OTOF: variants seen among roughly 807,000 people sequenced by gnomAD.
The protein encoded by OTOF is fer-1-like family member 2.
OTOF carries 218 observed loss-of-function variants against 236.8 expected under a neutral mutation model. The observed-to-expected ratio is 0.92, with a 90% confidence interval of 0.82 to 1.03. The LOEUF is 1.03. Among genes scored for constraint, OTOF ranks in the 50% least tolerant of loss-of-function variants. OTOF has a pLI of 0.00. For synonymous variants in OTOF, 1,041 were observed against 1,072.5 expected (o/e 0.97, Z 0.57); for missense variants, 2,590 against 2,694.4 (o/e 0.96, Z 0.86).
Position 26,460,122 on chromosome 2 carries a change from A to C in OTOF, c.5897T>G (p.Leu1966Arg). Residue 1966 changes from leucine to arginine, a missense_variant, in exon 46 of 47, where the codon CTC becomes CGC. Transcript: ENST00000272371. This position sits in a 1 kb window ranked among gnomAD's most constrained non-coding sequence, Gnocchi z 5.3. ...CAGCAGGAGCAGCAACAGTTTGAGG[A>C]GCAGCCAGCGATACGTGTGCCACAA... Reference protein sequence around the residue: ...YFLWHTYRWLLLKLLLLLLLL... With the variant: ...YFLWHTYRWLRLKLLLLLLLL... 5.0e-6 allele frequency: 8 copies of C among 1,594,686 alleles called. No individual in the cohort carries two copies. The highest frequency in any genetic ancestry group is 6.8e-6 in the Non-Finnish European group (8 of 1,170,826).
At chr2:26,526,458 G>A (rs1414031117) in intron 3 of OTOF, among the ~76,000 whole-genome samples, 1 of 152,086 alleles carries the variant, frequency 6.6e-6, no homozygotes, top group Non-Finnish European at 1.5e-5. Context: ...CAGACAAATG[G>A]ATAGGCAGAT....
Position 26,461,627 on chromosome 2 carries a change from CCCG to C in OTOF, c.5533+66_5533+68del. ...CCCCCAAGGCAGGGCTCTCCCTGTC[CCCG>C]CCAACCCGGCCCCTGCCTCTTCTCA... On this transcript the variant is annotated intron_variant, in intron 43 of 46. Coordinates refer to ENST00000272371, the MANE Select transcript of OTOF (RefSeq NM_194248.3). The surrounding 1 kb of genome is among the most constrained non-coding windows in gnomAD (Gnocchi z 6.2). The C allele has an allele frequency of 1.2e-6, 2 of 1,601,002 alleles. No homozygotes were observed. Among genetic ancestry groups the C allele is most frequent in the Non-Finnish European group, 8.5e-7 (1 of 1,175,756 alleles).
At position 26,516,404 on chromosome 2, in the gene OTOF, G is replaced by A; in HGVS notation, c.509+14C>T. ...TTGGGAGCAGTGGGCAGCCAGAGGG[G>A]TCCTGCCTGTTACCTCCGGAAGCTC... On this transcript the variant is annotated intron_variant, in intron 5 of 46. Transcript: ENST00000272371. 1 of 1,611,836 alleles carries A rather than the reference G, an allele frequency of 6.2e-7. No individual in the cohort carries two copies. The highest frequency in any genetic ancestry group is 8.5e-7 in the Non-Finnish European group (1 of 1,178,430).
In OTOF at chr2:26,461,154, C is replaced by A. The variant is rs369783940; in HGVS notation, c.5534-124G>T. 1.8e-4 allele frequency: 152 copies of A among 852,294 alleles called. 1 individual carries two copies. Among genetic ancestry groups the A allele is most frequent in the East Asian group, 1.7e-3 (62 of 37,556 alleles). 52.8% of individuals were successfully genotyped at this position (852,294 alleles called of 1,614,324 possible). ...AGACCTCCCTGAGCCCACATCTCAT[C>A]CTCCTGCCTCACTCCCAGCAACTGG... On this transcript the variant is annotated intron_variant, in intron 43 of 46. Coordinates refer to ENST00000272371, the MANE Select transcript of OTOF (RefSeq NM_194248.3). This position sits in a 1 kb window ranked among gnomAD's most constrained non-coding sequence, Gnocchi z 6.2.
intron 46 of OTOF, among the ~76,000 whole-genome samples, chr2:26,458,452 T>A (rs966788989): frequency 1.3e-5 from 2 of 152,232 alleles, no homozygotes; most frequent in African/African-American, 4.8e-5. Context: ...AAGGCCTAGA[T>A]GGGAGCTACT....
chr2:26,501,084 C>A (rs1473933483), intron 8 of OTOF, among the ~76,000 whole-genome samples: 1 of 152,186 alleles, frequency 6.6e-6, no homozygotes, highest in Non-Finnish European at 1.5e-5. Context: ...GGGTCTGGAG[C>A]AATGGAGGGT....
chr2:26,458,089 A>G lies in OTOF; in HGVS notation c.*149T>C, dbSNP rs1319424162. ...CATGTAGCCAGGGAGGCTGTAGAGG[A>G]AGAGCCCCAACATGAGCAGCCCCAA... On this transcript the variant is annotated 3_prime_UTR_variant, in exon 47 of 47. Transcript: ENST00000272371. The G allele has an allele frequency of 6.8e-6, 11 of 1,614,060 alleles. No individual in the cohort carries two copies. The African/African-American group carries it at 1.1e-4, about 16-fold the overall frequency.
chr2:26,555,773 G>C (rs979706452), intron 1 of OTOF, among the ~76,000 whole-genome samples: 1 of 152,150 alleles, frequency 6.6e-6, no homozygotes, highest in Non-Finnish European at 1.5e-5. Flanking sequence ...TGCTGGTCTG[G>C]AGAGAAGATA....
chr2:26,535,277 G>A (rs914840462), intron 2 of OTOF, among the ~76,000 whole-genome samples: 4 of 152,184 alleles, frequency 2.6e-5, no homozygotes, highest in African/African-American at 7.2e-5. Flanking sequence ...TGGCTTGGCC[G>A]CTTCCAGCTC....
Position 26,519,100 on chromosome 2 carries a change from C to G in OTOF, c.237G>C (p.Gly79=). Reference sequence around the variant, plus strand: ...CCTTCTGCAGCACCATGCGGAAGGTCCCGATGAGCCTGGGGATGGCAGAGG... The same window carrying G: ...CCTTCTGCAGCACCATGCGGAAGGTGCCGATGAGCCTGGGGATGGCAGAGG... ...YSKVFSNKLI[G]TFRMVLQKVV... The change falls in exon 4 of 47, where the codon GGG becomes GGC. Residue 79 remains glycine, a synonymous_variant. Transcript: ENST00000272371. 1 of 1,597,794 alleles carries G rather than the reference C, an allele frequency of 6.3e-7. No homozygotes were observed. The highest frequency in any genetic ancestry group is 8.6e-7 in the Non-Finnish European group (1 of 1,169,318).
intron 11 of OTOF, among the ~76,000 whole-genome samples, chr2:26,486,454 A>G (rs1171589414): frequency 6.6e-6 from 1 of 152,156 alleles, no homozygotes; most frequent in Non-Finnish European, 1.5e-5. Context: ...GGGTGAGTGG[A>G]TGGATGGATA....
intron 1 of OTOF, among the ~76,000 whole-genome samples, chr2:26,552,287 G>C (rs1667481379): frequency 6.6e-6 from 1 of 152,170 alleles, no homozygotes; most frequent in South Asian, 2.1e-4. Context: ...CTACTCGGGA[G>C]GCTGAGGTGG....
intron 3 of OTOF, among the ~76,000 whole-genome samples, chr2:26,521,220 C>T (rs985525859): frequency 5.9e-5 from 9 of 152,224 alleles, no homozygotes; most frequent in Non-Finnish European, 8.8e-5. Flanking sequence ...TACTATTACC[C>T]TTTGTGGATG....
intron 13 of OTOF, among the ~76,000 whole-genome samples, chr2:26,482,906 TGC>T (rs1665590970): frequency 6.9e-6 from 1 of 144,964 alleles, no homozygotes. Flanking sequence ...TGTTAATGGG[TGC>T]ATGTGTGCGT....
chr2:26,539,196 A>G (rs1667152256), intron 1 of OTOF, among the ~76,000 whole-genome samples: 1 of 152,112 alleles, frequency 6.6e-6, no homozygotes, highest in Non-Finnish European at 1.5e-5. Context: ...GAGGATAAAT[A>G]CTGTTTTAGG....
chr2:26,518,905 T>C (rs1363831574), intron 4 of OTOF, 105 bp downstream of exon 4: 6 of 809,834 alleles, frequency 7.4e-6, no homozygotes, highest in African/African-American at 6.7e-5. Flanking sequence ...CACCTCGCCA[T>C]GCATGAGAGG....
intron 6 of OTOF, 52 bp downstream of exon 6, chr2:26,503,720 G>T: frequency 6.6e-7 from 1 of 1,521,522 alleles, no homozygotes; most frequent in East Asian, 2.3e-5. Context: ...GAAAGCGGCG[G>T]GAGGGCGCCG....
rs756381654 is a variant in OTOF at position 26,477,001 on chromosome 2, T to G, written c.2566A>C (p.Asn856His). ...IPDIFIWMMS[N>H]NKRVAYARVP... ...CGGGCATAGGCGACACGCTTGTTGT[T>G]GCTCATCATCCAGATGAAGATGTCG... Residue 856 changes from asparagine to histidine, a missense_variant, in exon 22 of 47, where the codon AAC (asparagine) becomes CAC (histidine). Around this residue, in one of 2 missense-constraint regions of OTOF, gnomAD observed 1,379 missense variants for 1,341.6 expected, o/e 1.03. Coordinates refer to ENST00000272371, the MANE Select transcript of OTOF (RefSeq NM_194248.3). The surrounding 1 kb of genome is among the most constrained non-coding windows in gnomAD (Gnocchi z 4.7). 8.1e-6 allele frequency: 13 copies of G among 1,611,040 alleles called. No individual in the cohort carries two copies. The highest frequency in any genetic ancestry group is 1.1e-5 in the Non-Finnish European group (13 of 1,179,314).
intron 1 of OTOF, among the ~76,000 whole-genome samples, chr2:26,553,307 G>T (rs1361003670): frequency 1.3e-5 from 2 of 152,084 alleles, no homozygotes; most frequent in Non-Finnish European, 2.9e-5. Context: ...CTCTGGTCTG[G>T]TCGGTCCCTC....
Sources: allele counts gnomAD v4.1 joint callset (sites outside exome capture counted in the v4.1 genomes callset), GRCh38; gene constraint gnomAD v4.1.1; regional missense constraint gnomAD v4.1.1; non-coding constraint Gnocchi (gnomAD v3.1); transcripts MANE v1.5; gene names NCBI Gene and HGNC (gene_info 2026-07-23, HGNC 2026-07-21).